Variants in RTKN2 observed in about 807,000 individuals in gnomAD.
RTKN2 encodes the protein rhotekin 2.
In RTKN2, 69 loss-of-function variants were observed where a neutral mutation model predicts 71.5. The ratio of observed to expected loss-of-function variants is 0.96; its 90% confidence interval spans 0.79 to 1.18. The LOEUF (loss-of-function observed/expected upper bound fraction) is 1.18, where lower values mean the gene tolerates loss of function less well. Ranked by LOEUF, RTKN2 falls within the 50% of genes most tolerant of loss-of-function variation. The pLI, the probability that RTKN2 is intolerant of heterozygous loss-of-function variation, is 0.00. For missense variants in RTKN2, 724 were observed against 719.7 expected, an observed-to-expected ratio of 1.01 and a Z score of -0.07; for synonymous variants, 236 against 236.5, an observed-to-expected ratio of 1.00 and a Z score of 0.02.
chr10:62,202,070 T>A (rs749643379), intron 10 of RTKN2, among the ~76,000 whole-genome samples: 1 of 152,200 alleles, frequency 6.6e-6, no homozygotes, highest in Non-Finnish European at 1.5e-5. Flanking sequence ...AAAAATTTAA[T>A]GTTCCAAATC....
At position 62,195,687 on chromosome 10, in the gene RTKN2, T is replaced by A. The variant is rs1432935101; in HGVS notation, c.*2221A>T. ...GGAAGGAAGGAAACCAACTCTGTAT[T>A]ATAACTACACTCCTTAGGTAAGGGG... On this transcript the variant is annotated 3_prime_UTR_variant, in exon 12 of 12. Transcript: ENST00000373789. The A allele has an allele frequency of 1.0e-6, 1 of 980,922 alleles. No individual in the cohort carries two copies. Among genetic ancestry groups the A allele is most frequent in the Admixed American group, 6.3e-5 (1 of 15,844 alleles). 60.8% of individuals were successfully genotyped at this position (980,922 alleles called of 1,614,324 possible).
At chr10:62,240,418 C>A (rs1398583204) in intron 4 of RTKN2, among the ~76,000 whole-genome samples, 1 of 152,080 alleles carries the variant, frequency 6.6e-6, no homozygotes, top group Non-Finnish European at 1.5e-5. Flanking sequence ...CTTTAGTAAT[C>A]AGAAAGCTTT....
chr10:62,225,088 T>C (rs996442980), intron 6 of RTKN2, among the ~76,000 whole-genome samples: 1 of 152,216 alleles, frequency 6.6e-6, no homozygotes, highest in African/African-American at 2.4e-5. Context: ...GCCTCAACCT[T>C]GGCCTCTAAG....
intron 9 of RTKN2, among the ~76,000 whole-genome samples, chr10:62,207,901 T>G (rs928087950): frequency 6.6e-6 from 1 of 152,178 alleles, no homozygotes; most frequent in Admixed American, 6.5e-5. Context: ...GTTTCCTGTA[T>G]TGTTTTTGCT....
chr10:62,225,131 G>C (rs1383130710), intron 6 of RTKN2, among the ~76,000 whole-genome samples: 1 of 152,184 alleles, frequency 6.6e-6, no homozygotes, highest in Non-Finnish European at 1.5e-5. Context: ...GTTTCTAGCA[G>C]CTCTAACCTG....
chr10:62,218,096 T>TA, intron 8 of RTKN2, 99 bp downstream of exon 8: 2 of 748,246 alleles, frequency 2.7e-6, no homozygotes, highest in Non-Finnish European at 2.2e-6. Flanking sequence ...AAAAAAGACT[T>TA]AAAAAATACT....
chr10:62,215,187 T>A lies in RTKN2; in HGVS notation c.1020+1931A>T. On this transcript the variant is annotated intron_variant, in intron 9 of 11. Coordinates refer to ENST00000373789, the MANE Select transcript of RTKN2 (RefSeq NM_145307.4). ...AAAAAAATTAGTAGGATTTCATTTT[T>A]ACTCCTCAGCTATTTAGTAAAAGCC... 6.8e-6 allele frequency: 5 copies of A among 736,326 alleles called. No individual in the cohort carries two copies. The South Asian group carries it at 1.1e-4, about 16-fold the overall frequency. The allele number at this position is 736,326 out of a possible 1,614,324, so 45.6% of individuals were successfully genotyped here.
In RTKN2 at chr10:62,268,825, A is replaced by G; in HGVS notation, c.-215T>C. On this transcript the variant is annotated 5_prime_UTR_variant, in exon 1 of 12. Transcript: ENST00000373789. Reference sequence around the variant, plus strand: ...CGCCGCCGGAAGTTGCCGAGACCCCAGGCTCTAGCGCGGCGGGGCGGGGGA... The same window carrying G: ...CGCCGCCGGAAGTTGCCGAGACCCCGGGCTCTAGCGCGGCGGGGCGGGGGA... 1 of 534,234 alleles carries G rather than the reference A, an allele frequency of 1.9e-6. No homozygotes were observed. 33.1% of individuals were successfully genotyped at this position (534,234 alleles called of 1,614,324 possible).
chr10:62,232,772 T>C (rs1403705256), intron 6 of RTKN2, among the ~76,000 whole-genome samples: 1 of 151,830 alleles, frequency 6.6e-6, no homozygotes, highest in African/African-American at 2.4e-5. Context: ...CTGGGAACAG[T>C]AAAAATAGTA....
rs993029268 is a variant in RTKN2, at chr10:62,217,144, G to A, written c.994C>T (p.Pro332Ser). The change falls in exon 9 of 12, where the codon CCA becomes TCA. Residue 332 changes from proline to serine, a missense_variant. Pro to Ser is a moderately conservative substitution (Grantham distance 74). Coordinates refer to ENST00000373789, the MANE Select transcript of RTKN2 (RefSeq NM_145307.4). ...TTGTTAATGGGTACTACCAAAGCTG[G>A]TTCCACTTTAGCTTCAATTTCCTCT... ...SPEEIEAKVE[P>S]ALVVPINKET... 6 of 1,583,384 alleles carry A rather than the reference G, an allele frequency of 3.8e-6. No homozygotes were observed. The highest frequency in any genetic ancestry group is 5.1e-6 in the Non-Finnish European group (6 of 1,167,626).
intron 2 of RTKN2, among the ~76,000 whole-genome samples, chr10:62,257,675 A>T (rs887491429): frequency 1.3e-5 from 2 of 152,232 alleles, no homozygotes; most frequent in African/African-American, 4.8e-5. Flanking sequence ...TGGAATGCCT[A>T]TTTCAGTAAA....
At chr10:62,262,549 T>C in intron 2 of RTKN2, 76 bp downstream of exon 2, 1 of 1,020,226 alleles carries the variant, frequency 9.8e-7, no homozygotes, top group South Asian at 1.7e-5. Context: ...CATTGGTACT[T>C]AAGCTTAAAT....
chr10:62,203,735 G>A (rs1841493994), intron 10 of RTKN2, among the ~76,000 whole-genome samples: 1 of 152,168 alleles, frequency 6.6e-6, no homozygotes, highest in Non-Finnish European at 1.5e-5. Flanking sequence ...TGATACTTAA[G>A]GAAAACAAGT....
At chr10:62,226,197 CAAAG>C (rs1204086810) in intron 6 of RTKN2, among the ~76,000 whole-genome samples, 2 of 151,984 alleles carry the variant, frequency 1.3e-5, no homozygotes, top group Admixed American at 6.5e-5. Context: ...AAGAGAGAGA[CAAAG>C]AGAGATATAG....
In RTKN2 at chr10:62,268,834, C is replaced by CGCGGCGGGGCGGGGGAGAGG. The variant is rs1161546012; in HGVS notation, c.-225_-224insCCTCTCCCCCGCCCCGCCGC. Reference sequence around the variant, plus strand: ...AAGTTGCCGAGACCCCAGGCTCTAGCGCGGCGGGGCGGGGGAGAGGGCGGC... The same window carrying CGCGGCGGGGCGGGGGAGAGG: ...AAGTTGCCGAGACCCCAGGCTCTAGCGCGGCGGGGCGGGGGAGAGGGCGGCGGGGCGGGGGAGAGGGCGGC... On this transcript the variant is annotated 5_prime_UTR_variant, in exon 1 of 12. Coordinates refer to ENST00000373789, the MANE Select transcript of RTKN2 (RefSeq NM_145307.4). 9.8e-6 allele frequency: 5 copies of CGCGGCGGGGCGGGGGAGAGG among 512,252 alleles called. No individual in the cohort carries two copies. Among genetic ancestry groups the CGCGGCGGGGCGGGGGAGAGG allele is most frequent in the South Asian group, 5.5e-5 (2 of 36,274 alleles). 31.7% of individuals were successfully genotyped at this position (512,252 alleles called of 1,614,324 possible). A position where few individuals can be genotyped will look rare whatever the true frequency, so the allele number is the denominator to read the frequency against.
chr10:62,245,929 A>G, intron 3 of RTKN2, 70 bp downstream of exon 3: 1 of 987,438 alleles, frequency 1.0e-6, no homozygotes, highest in Non-Finnish European at 1.5e-6. Flanking sequence ...ACAGGGCATA[A>G]AACAAAATCC....
downstream of RTKN2, among the ~76,000 whole-genome samples, chr10:62,191,641 T>C (rs1366688075): frequency 6.6e-6 from 1 of 152,184 alleles, no homozygotes; most frequent in East Asian, 1.9e-4. Context: ...GGTCAAACCA[T>C]GCTTCATCTC....
At chr10:62,236,451 G>A (rs1842260876) in intron 5 of RTKN2, among the ~76,000 whole-genome samples, 188 bp from the exon 6 acceptor site, 1 of 152,032 alleles carries the variant, frequency 6.6e-6, no homozygotes, top group South Asian at 2.1e-4. Context: ...GAGATAAATT[G>A]TTGACGAGGG....
chr10:62,229,956 C>T (rs888010334), intron 6 of RTKN2, among the ~76,000 whole-genome samples: 4 of 152,096 alleles, frequency 2.6e-5, no homozygotes, highest in Admixed American at 2.6e-4. Context: ...GATAATGTGG[C>T]CATCAAAATA....
Sources: gnomAD v4.1 joint callset for allele counts (sites outside exome capture counted in the v4.1 genomes callset) on GRCh38, gnomAD v4.1.1 for gene constraint, MANE v1.5 for transcripts, NCBI Gene and HGNC (gene_info 2026-07-23, HGNC 2026-07-21) for gene names.